Variants in CSMD3 observed in about 807,000 individuals in gnomAD.
CSMD3 encodes CUB and sushi domain-containing protein 3.
Under a neutral mutation model 435.2 loss-of-function variants are expected in CSMD3, and 177 were observed. The ratio of observed to expected loss-of-function variants is 0.41; its 90% confidence interval spans 0.36 to 0.46. The LOEUF is 0.46. Ranked by LOEUF, CSMD3 falls within the 20% of genes least tolerant of loss-of-function variation. CSMD3 has a pLI of 0.34. For missense variants in CSMD3, 4,265 were observed against 4,504.6 expected (o/e 0.95, Z 1.52); for synonymous variants, 1,656 against 1,520.5 (o/e 1.09, Z -2.07).
intron 6 of CSMD3, among the ~76,000 whole-genome samples, chr8:113,008,761 ATTTG>A (rs1444818525): frequency 1.3e-5 from 2 of 151,470 alleles, no homozygotes; most frequent in Non-Finnish European, 1.5e-5. Flanking sequence ...CATTCCATGT[ATTTG>A]TTTGAATATT....
intron 13 of CSMD3, among the ~76,000 whole-genome samples, chr8:112,732,695 A>C (rs1587113203): frequency 8.7e-6 from 1 of 115,114 alleles, no homozygotes; most frequent in African/African-American, 3.9e-5. Context: ...GCAAGACTCC[A>C]TCTCAAAAAA....
chr8:112,494,368 T>A (rs1821008267), intron 30 of CSMD3, among the ~76,000 whole-genome samples: 1 of 151,592 alleles, frequency 6.6e-6, no homozygotes, highest in Non-Finnish European at 1.5e-5. Context: ...CTACAAATAC[T>A]TAAAGGCTCA....
intron 4 of CSMD3, among the ~76,000 whole-genome samples, chr8:113,121,042 G>A (rs923837717): frequency 6.6e-6 from 1 of 152,110 alleles, no homozygotes; most frequent in African/African-American, 2.4e-5. Flanking sequence ...TTTCAGTGAT[G>A]TCCGTGGGCT....
At chr8:113,209,817 G>C (rs1038802270) in intron 3 of CSMD3, among the ~76,000 whole-genome samples, 1 of 152,024 alleles carries the variant, frequency 6.6e-6, no homozygotes, top group African/African-American at 2.4e-5. Context: ...TATCCAAAAT[G>C]AGTTTGTGTA....
intron 12 of CSMD3, among the ~76,000 whole-genome samples, chr8:112,824,922 C>A (rs2079633727): frequency 6.6e-6 from 1 of 152,156 alleles, no homozygotes; most frequent in Admixed American, 6.5e-5. Context: ...TCCATTCTAA[C>A]CATCTCTTTC....
intron 5 of CSMD3, among the ~76,000 whole-genome samples, chr8:113,077,508 C>G (rs1395175290): frequency 1.3e-5 from 2 of 152,018 alleles, no homozygotes; most frequent in Non-Finnish European, 2.9e-5. Flanking sequence ...TCCAGACAAG[C>G]CTGATCAACA....
chr8:112,305,962 A>G, intron 51 of CSMD3, 45 bp downstream of exon 51: 3 of 1,506,802 alleles, frequency 2.0e-6, no homozygotes, highest in Non-Finnish European at 2.8e-6. Flanking sequence ...GGTATATAAA[A>G]TACCAAGAGA....
At chr8:112,957,484 C>T (rs1209329162) in intron 7 of CSMD3, among the ~76,000 whole-genome samples, 4 of 152,176 alleles carry the variant, frequency 2.6e-5, no homozygotes, top group African/African-American at 4.8e-5. Flanking sequence ...GAATGAGTAT[C>T]GCTCGGTCGC....
chr8:112,991,141 A>C (rs1288744576), intron 6 of CSMD3, among the ~76,000 whole-genome samples: 2 of 151,536 alleles, frequency 1.3e-5, no homozygotes, highest in Non-Finnish European at 2.9e-5. Context: ...TTTTTCATTT[A>C]TTTTCAAAAT....
Position 112,274,850 on chromosome 8 carries a change from C to T in CSMD3, c.9508+6324G>A, listed in dbSNP as rs184145642. Reference sequence around the variant, plus strand: ...ATTACAACACTTGAAGTAGTAATGACGTACATAAATAAGATTTGTCTTACT... The same window carrying T: ...ATTACAACACTTGAAGTAGTAATGATGTACATAAATAAGATTTGTCTTACT... On this transcript the variant is annotated intron_variant, in intron 59 of 70. Coordinates refer to ENST00000297405, the MANE Select transcript of CSMD3 (RefSeq NM_198123.2). Among the ~76,000 whole-genome samples the T allele has an allele frequency of 1.2e-4, 18 of 152,198 alleles. 1 individual carries two copies. The highest frequency in any genetic ancestry group is 1.0e-3 in the South Asian group (5 of 4,826).
intron 6 of CSMD3, among the ~76,000 whole-genome samples, chr8:113,010,528 T>C (rs901771408): frequency 6.6e-6 from 1 of 151,830 alleles, no homozygotes. Context: ...GAAAATATTG[T>C]CCATATTATA....
intron 6 of CSMD3, among the ~76,000 whole-genome samples, chr8:113,005,250 A>G (rs2086014342): frequency 6.6e-6 from 1 of 151,994 alleles, no homozygotes; most frequent in Admixed American, 6.6e-5. Context: ...CAATCAACCA[A>G]TAACAATGGC....
chr8:112,450,520 C>T (rs1816138357), intron 32 of CSMD3, among the ~76,000 whole-genome samples: 1 of 152,148 alleles, frequency 6.6e-6, no homozygotes, highest in African/African-American at 2.4e-5. Flanking sequence ...TCATCTGATT[C>T]ATACATCAGT....
intron 63 of CSMD3, among the ~76,000 whole-genome samples, chr8:112,250,370 C>T (rs918042671): frequency 6.6e-6 from 1 of 151,732 alleles, no homozygotes; most frequent in African/African-American, 2.4e-5. Flanking sequence ...TTCACAAATA[C>T]TTATACCTAA....
chr8:113,202,866 T>TGAATCAATTTCA (rs1283629946), intron 3 of CSMD3, among the ~76,000 whole-genome samples: 1 of 152,132 alleles, frequency 6.6e-6, no homozygotes, highest in Admixed American at 6.6e-5. Context: ...AACGTACACT[T>TGAATCAATTTCA]GAATCAATTT....
intron 38 of CSMD3, among the ~76,000 whole-genome samples, chr8:112,379,926 TAGTC>T (rs1306865802): frequency 2.0e-5 from 3 of 152,134 alleles, no homozygotes; most frequent in South Asian, 2.1e-4. Flanking sequence ...AAATCTAAAA[TAGTC>T]AGACCCAAAA....
At chr8:113,196,084 G>A (rs893131374) in intron 3 of CSMD3, among the ~76,000 whole-genome samples, 9 of 150,662 alleles carry the variant, frequency 6.0e-5, no homozygotes, top group South Asian at 4.2e-4. Flanking sequence ...CTCACTCCAC[G>A]AGATACTTAT....
chr8:112,611,131 T>A (rs944859807), intron 22 of CSMD3, among the ~76,000 whole-genome samples: 2 of 152,088 alleles, frequency 1.3e-5, no homozygotes, highest in Non-Finnish European at 2.9e-5. Flanking sequence ...TTATGACAAA[T>A]TTTAGCTCAA....
intron 24 of CSMD3, among the ~76,000 whole-genome samples, chr8:112,570,410 A>T (rs541850842): frequency 1.3e-4 from 20 of 152,356 alleles, no homozygotes; most frequent in African/African-American, 4.8e-4. Flanking sequence ...CTACCACAAA[A>T]GAAACATTGA....
Sources: allele counts gnomAD v4.1 joint callset (sites outside exome capture counted in the v4.1 genomes callset), GRCh38; gene constraint gnomAD v4.1.1; transcripts MANE v1.5; gene names NCBI Gene and HGNC (gene_info 2026-07-23, HGNC 2026-07-21).